Variants in CREBBP observed in about 807,000 individuals in gnomAD.
The protein encoded by CREBBP is CREB-binding protein.
A neutral mutation model predicts 265.0 loss-of-function variants in CREBBP; 19 were observed. That is an observed-to-expected ratio of 0.07 (90% confidence interval 0.05 to 0.11). CREBBP has a LOEUF of 0.11. Among genes scored for constraint, CREBBP ranks in the 10% least tolerant of loss-of-function variants. The pLI, the probability that CREBBP is intolerant of heterozygous loss-of-function variation, is 1.00. For synonymous variants in CREBBP, 1,457 were observed against 1,223.7 expected, an observed-to-expected ratio of 1.19 and a Z score of -3.98; for missense variants, 2,525 against 3,219.0, an observed-to-expected ratio of 0.78 and a Z score of 5.22.
rs949774275 is a variant in CREBBP at position 3,760,407 on chromosome 16, T to G, written c.3251-1435A>C. 2.4e-3 allele frequency among the ~76,000 whole-genome samples: 328 copies of G among 135,184 alleles called. 1 individual carries two copies. Among genetic ancestry groups the G allele is most frequent in the African/African-American group, 8.7e-3 (313 of 35,854 alleles). 88.7% of individuals were successfully genotyped at this position (135,184 alleles called of 152,430 possible). The stretch of plus-strand genomic sequence containing the variant: ...CATGCCCAGGTTTTTTTTTTTTTTT[T>G]TTTTTTTTTTTTTGAGACAGAGTCT... On this transcript the variant is annotated intron_variant, in intron 16 of 30. Coordinates refer to ENST00000262367, the MANE Select transcript of CREBBP (RefSeq NM_004380.3).
At chr16:3,737,193 T>C (rs1393912874) in intron 26 of CREBBP, among the ~76,000 whole-genome samples, 3 of 152,204 alleles carry the variant, frequency 2.0e-5, no homozygotes, top group Non-Finnish European at 2.9e-5. Flanking sequence ...AATGTCAACA[T>C]AAACCTCATT....
intron 13 of CREBBP, among the ~76,000 whole-genome samples, chr16:3,771,801 AC>A (rs2053015735): frequency 6.9e-6 from 1 of 144,674 alleles, no homozygotes; most frequent in Non-Finnish European, 1.5e-5. Context: ...TCAATTTAAA[AC>A]TTTTTTTTTT....
chr16:3,767,902 T>A lies in CREBBP; in HGVS notation c.3068A>T (p.Glu1023Val), dbSNP rs1408928400. The A allele has an allele frequency of 6.2e-7, 1 of 1,613,922 alleles. No homozygotes were observed. The highest frequency in any genetic ancestry group is 8.5e-7 in the Non-Finnish European group (1 of 1,179,984). ...TTGGGAAGCTCCTTGCAAATCCTCC[T>A]CCATCATCTTGAGAAAAACATTACA... is the stretch of plus-strand genomic sequence containing the variant. ...SKGEPRSEMM[E>V]EDLQGASQVK... The change falls in exon 16 of 31, where the codon GAG (glutamate) becomes GTG (valine). Residue 1023 changes from glutamate (E) to valine (V), a missense_variant. Around this residue, in one of 19 missense-constraint regions of CREBBP, gnomAD observed 548 missense variants for 533.0 expected, o/e 1.03. Transcript: ENST00000262367.
intron 1 of CREBBP, among the ~76,000 whole-genome samples, chr16:3,863,212 C>G (rs1409008286): frequency 6.6e-6 from 1 of 152,158 alleles, no homozygotes; most frequent in Non-Finnish European, 1.5e-5. Flanking sequence ...CTTTTTTATT[C>G]ATTCTCAAAT....
chr16:3,872,830 A>C (rs2055328424), intron 1 of CREBBP, among the ~76,000 whole-genome samples: 1 of 152,184 alleles, frequency 6.6e-6, no homozygotes, highest in Admixed American at 6.5e-5. Context: ...AGGCTTCCCC[A>C]ACTCCTGGCT....
At chr16:3,771,110 C>T in intron 13 of CREBBP, 124 bp from the exon 14 acceptor site, 3 of 1,036,710 alleles carry the variant, frequency 2.9e-6, no homozygotes, top group Non-Finnish European at 4.3e-6. Flanking sequence ...CTCTTGTCGC[C>T]CAGGCTGCAA....
chr16:3,753,412 G>T (rs2052518997), intron 19 of CREBBP, among the ~76,000 whole-genome samples: 1 of 152,232 alleles, frequency 6.6e-6, no homozygotes, highest in Admixed American at 6.5e-5. Context: ...GTGTTTGGTT[G>T]ATGAGGAACA....
At chr16:3,759,119 G>A (rs115079164) in intron 16 of CREBBP, 147 bp from the exon 17 acceptor site, 1 of 710,328 alleles carries the variant, frequency 1.4e-6, no homozygotes, top group African/African-American at 1.7e-5. Context: ...TCACCGTTAA[G>A]GACTAAAGCT....
At chr16:3,780,228 C>T (rs111714291) in intron 8 of CREBBP, among the ~76,000 whole-genome samples, 2 of 131,862 alleles carry the variant, frequency 1.5e-5, no homozygotes, top group Admixed American at 8.5e-5. Context: ...AGCAACAGAG[C>T]GAGACTCTGT....
intron 19 of CREBBP, 100 bp from the exon 20 acceptor site, chr16:3,751,906 C>T (rs527502307): frequency 1.2e-5 from 13 of 1,123,192 alleles, no homozygotes; most frequent in African/African-American, 1.5e-5. Context: ...AGCACCACGA[C>T]GAAGGGGGGG....
intron 17 of CREBBP, 147 bp downstream of exon 17, chr16:3,758,707 A>G (rs2052642103): frequency 4.1e-6 from 3 of 723,232 alleles, no homozygotes; most frequent in Admixed American, 2.1e-5. Context: ...ACTTTCACTG[A>G]TAACTGTTAA....
intron 2 of CREBBP, among the ~76,000 whole-genome samples, chr16:3,839,317 C>G (rs986988410): frequency 6.6e-6 from 1 of 152,218 alleles, no homozygotes; most frequent in Non-Finnish European, 1.5e-5. Flanking sequence ...AGTAAGTACA[C>G]TAACTACTAT....
At chr16:3,846,928 TGTC>T (rs1323975860) in intron 2 of CREBBP, among the ~76,000 whole-genome samples, 1 of 152,238 alleles carries the variant, frequency 6.6e-6, no homozygotes, top group African/African-American at 2.4e-5. Context: ...TATGGTTGTT[TGTC>T]GTTAAACCAT....
rs1159046430 is a variant in CREBBP, at chr16:3,731,368, C to T, written c.4996G>A (p.Ala1666Thr). The part of the protein sequence containing the change: ...LSCDLMDGRD[A>T]FLTLARDKHW... ...TTGTCTCTGGCGAGGGTGAGGAAGG[C>T]GTCGCGCCCATCCATGAGGTCACAG... is the stretch of plus-strand genomic sequence containing the variant. The change falls in exon 30 of 31, where the codon GCC becomes ACC. Residue 1666 changes from alanine (A) to threonine (T), a missense_variant. Coordinates refer to ENST00000262367, the MANE Select transcript of CREBBP (RefSeq NM_004380.3). The surrounding 1 kb of genome is among the most constrained non-coding windows in gnomAD (Gnocchi z 7.7). The T allele has an allele frequency of 4.3e-6, 7 of 1,612,896 alleles. No individual in the cohort carries two copies. Among genetic ancestry groups the T allele is most frequent in the Admixed American group, 3.3e-5 (2 of 59,806 alleles).
chr16:3,879,939 C>T lies in CREBBP; in HGVS notation c.-23G>A. 2.5e-6 allele frequency: 4 copies of T among 1,606,086 alleles called. No homozygotes were observed. Among genetic ancestry groups the T allele is most frequent in the Non-Finnish European group, 3.4e-6 (4 of 1,176,316 alleles). On this transcript the variant is annotated 5_prime_UTR_variant, in exon 1 of 31. Transcript: ENST00000262367. ...CATTTTCACCTGCTCGCGAAAACAG[C>T]CCCGGGCACGGGCGGCCGGGCCGGC...
intron 11 of CREBBP, 54 bp from the exon 12 acceptor site, chr16:3,774,747 A>G: frequency 6.2e-7 from 1 of 1,611,594 alleles, no homozygotes; most frequent in South Asian, 1.1e-5. Flanking sequence ...GGAAAACAGA[A>G]TTACAACTTG....
chr16:3,761,674 C>G lies in CREBBP; in HGVS notation c.3251-2702G>C, dbSNP rs970709057. Reference sequence around the variant, plus strand: ...CCGGGCAACCAGGTAAAAACCCCGACGCAGCACTCCCCACGCACACGGTCC... The same window carrying G: ...CCGGGCAACCAGGTAAAAACCCCGAGGCAGCACTCCCCACGCACACGGTCC... On this transcript the variant is annotated intron_variant, in intron 16 of 30. Transcript: ENST00000262367. 4.9e-5 allele frequency: 24 copies of G among 485,876 alleles called. 1 individual carries two copies. The highest frequency in any genetic ancestry group is 3.1e-4 in the South Asian group (21 of 66,934). The allele number at this position is 485,876 out of a possible 1,614,324, so 30.1% of individuals were successfully genotyped here.
chr16:3,736,216 A>G lies in CREBBP; in HGVS notation c.4561-13T>C, dbSNP rs1271456700. 1 of 1,613,874 alleles carries G rather than the reference A, an allele frequency of 6.2e-7. No homozygotes were observed. The highest frequency in any genetic ancestry group is 2.2e-5 in the East Asian group (1 of 44,898). On this transcript the variant is annotated splice_polypyrimidine_tract_variant and intron_variant, in intron 27 of 30. Coordinates refer to ENST00000262367, the MANE Select transcript of CREBBP (RefSeq NM_004380.3). ...GTTTGAAAATATCCTGAGTGGGCAA[A>G]GCACAACAGTGAGATGAGGGCCATG...
chr16:3,781,040 C>G (rs991389275), intron 7 of CREBBP, among the ~76,000 whole-genome samples, 162 bp from the exon 8 acceptor site: 2 of 152,222 alleles, frequency 1.3e-5, no homozygotes, highest in Non-Finnish European at 2.9e-5. Context: ...AATCTATTAT[C>G]TGCTCTACAT....
Sources: allele counts gnomAD v4.1 joint callset (sites outside exome capture counted in the v4.1 genomes callset), GRCh38; gene constraint gnomAD v4.1.1; regional missense constraint gnomAD v4.1.1; non-coding constraint Gnocchi (gnomAD v3.1); transcripts MANE v1.5; gene names NCBI Gene and HGNC (gene_info 2026-07-23, HGNC 2026-07-21).